Variants in DNAH14 observed in about 807,000 individuals in gnomAD.
DNAH14 encodes axonemal beta dynein heavy chain 14.
In DNAH14, 478 loss-of-function variants were observed where a neutral mutation model predicts 520.9. The observed-to-expected ratio is 0.92, with a 90% CI of 0.85 to 0.99. The LOEUF (loss-of-function observed/expected upper bound fraction) is 0.99. DNAH14 is among the 50% of genes least tolerant of loss of function. The pLI is 0.00. For missense variants in DNAH14, 4,831 were observed against 5,234.5 expected (o/e 0.92, Z 2.38); for synonymous variants, 1,581 against 1,757.2 (o/e 0.90, Z 2.51).
chr1:225,146,601 C>T (rs1300447890), intron 30 of DNAH14, among the ~76,000 whole-genome samples: 6 of 152,220 alleles, frequency 3.9e-5, no homozygotes, highest in Non-Finnish European at 8.8e-5. Flanking sequence ...TAGCTGGGCC[C>T]ACTGCAGTCT....
chr1:225,174,233 C>T (rs999051134), intron 36 of DNAH14, among the ~76,000 whole-genome samples: 5 of 151,970 alleles, frequency 3.3e-5, no homozygotes, highest in African/African-American at 1.2e-4. Context: ...GCACATTGTG[C>T]ACATGTACCC....
At position 225,270,787 on chromosome 1, in the gene DNAH14, T is replaced by A; in HGVS notation, c.7592T>A (p.Ile2531Asn). Residue 2531 changes from isoleucine (I) to asparagine (N), a missense_variant, in exon 50 of 86, where the codon ATC becomes AAC. Transcript: ENST00000682510. ...GCTTGTGTTCCAGTTGTGAATGATATCAGCCCACGTCTTCTCAAACACTTT... is the reference window on the plus strand; with the variant it reads ...GCTTGTGTTCCAGTTGTGAATGATAACAGCCCACGTCTTCTCAAACACTTT... ...VAACVPVVNDISPRLLKHFSM... is the reference protein window; with the variant it reads ...VAACVPVVNDNSPRLLKHFSM... 1.3e-6 allele frequency: 2 copies of A among 1,551,254 alleles called. No individual in the cohort carries two copies. The highest frequency in any genetic ancestry group is 1.7e-6 in the Non-Finnish European group (2 of 1,146,704).
chr1:225,247,277 C>G (rs765554162), intron 43 of DNAH14, among the ~76,000 whole-genome samples: 2 of 143,854 alleles, frequency 1.4e-5, no homozygotes. Context: ...CTAATGCATG[C>G]GGGGCTGAAA....
chr1:225,227,184 G>A (rs1007417246), intron 41 of DNAH14, among the ~76,000 whole-genome samples: 1 of 152,080 alleles, frequency 6.6e-6, no homozygotes, highest in Non-Finnish European at 1.5e-5. Flanking sequence ...GTGTCAGGCT[G>A]GGGGATGATC....
chr1:225,089,874 A>C (rs954165913), intron 21 of DNAH14, among the ~76,000 whole-genome samples: 1 of 152,296 alleles, frequency 6.6e-6, no homozygotes, highest in South Asian at 2.1e-4. Flanking sequence ...ATAGTGAAAG[A>C]CTGAACGCTT....
chr1:225,074,201 G>A lies in DNAH14; in HGVS notation c.2425-5006G>A, dbSNP rs573369725. Among the ~76,000 whole-genome samples, 258 of 150,352 alleles carry A rather than the reference G, an allele frequency of 1.7e-3. 1 individual carries two copies. The highest frequency in any genetic ancestry group is 0.01 in the Middle Eastern group (3 of 288). On this transcript the variant is annotated intron_variant, in intron 17 of 85. Coordinates refer to ENST00000682510, the MANE Select transcript of DNAH14 (RefSeq NM_001367479.1). Reference sequence around the variant, plus strand: ...TTTTTAGTAGAGACGGGGTTTCACCGTTTTAGCCGGGATGGTCTCGATCTC... The same window carrying A: ...TTTTTAGTAGAGACGGGGTTTCACCATTTTAGCCGGGATGGTCTCGATCTC...
chr1:224,969,015 C>A, intron 7 of DNAH14, 141 bp downstream of exon 7: 1 of 549,356 alleles, frequency 1.8e-6, no homozygotes, highest in Non-Finnish European at 3.2e-6. Flanking sequence ...TTTTACGGAA[C>A]ACCCCATTTC....
At chr1:225,094,702 A>ACC (rs1553442872) in intron 21 of DNAH14, among the ~76,000 whole-genome samples, 3 of 147,556 alleles carry the variant, frequency 2.0e-5, no homozygotes, top group African/African-American at 7.6e-5. Context: ...AAACAAAAAA[A>ACC]CGCTATCAAC....
At chr1:225,170,259 A>C (rs2082473106) in intron 36 of DNAH14, among the ~76,000 whole-genome samples, 1 of 152,208 alleles carries the variant, frequency 6.6e-6, no homozygotes, top group Admixed American at 6.5e-5. Flanking sequence ...CATCAAATTC[A>C]CACATAACAA....
chr1:225,291,955 T>C (rs921591160), intron 55 of DNAH14, among the ~76,000 whole-genome samples: 1 of 152,136 alleles, frequency 6.6e-6, no homozygotes, highest in African/African-American at 2.4e-5. Flanking sequence ...TTGTTTTTGC[T>C]GTTAAGTTTG....
At chr1:225,101,550 A>G (rs557721563) in intron 23 of DNAH14, among the ~76,000 whole-genome samples, 35 of 152,124 alleles carry the variant, frequency 2.3e-4, no homozygotes, top group African/African-American at 7.9e-4. Context: ...TCTACTGTCT[A>G]TCTCCATGAT....
At chr1:225,132,760 G>T (rs893725199) in intron 27 of DNAH14, among the ~76,000 whole-genome samples, 1 of 152,064 alleles carries the variant, frequency 6.6e-6, no homozygotes, top group Admixed American at 6.6e-5. Context: ...GGATCAAATG[G>T]TATTTCTGCC....
chr1:225,150,196 T>C (rs79439585), intron 31 of DNAH14, among the ~76,000 whole-genome samples: 11,335 of 152,270 alleles, frequency 0.074, 643 homozygotes, highest in East Asian at 0.24. Flanking sequence ...ATGAATATAT[T>C]TATTGATTTG....
intron 41 of DNAH14, among the ~76,000 whole-genome samples, chr1:225,211,915 T>C (rs1343333237): frequency 6.6e-6 from 1 of 151,024 alleles, no homozygotes; most frequent in African/African-American, 2.4e-5. Context: ...TATTTATTTA[T>C]TTTTATTATA....
intron 78 of DNAH14, among the ~76,000 whole-genome samples, chr1:225,375,607 G>T (rs1186489272): frequency 6.6e-6 from 1 of 152,154 alleles, no homozygotes; most frequent in Non-Finnish European, 1.5e-5. Context: ...AAACAAAATA[G>T]TAAAAATATT....
rs1440032576 is a variant in DNAH14, at chr1:225,231,121, A to G, written c.6488A>G (p.Glu2163Gly). Residue 2163 changes from glutamate (E) to glycine (G), a missense_variant, in exon 42 of 86, where the codon GAG (glutamate) becomes GGG (glycine). By Grantham distance (98) the Glu-to-Gly change is moderately conservative. Transcript: ENST00000682510. ...TCTAAGGAGGCAAATTCCCAAAGAG[A>G]GTCTGTCACATTCAAGGATATAGAA... ...TSSKEANSQR[E>G]SVTFKDIEKR... The G allele has an allele frequency of 5.2e-6, 8 of 1,547,844 alleles. No individual in the cohort carries two copies. Among genetic ancestry groups the G allele is most frequent in the African/African-American group, 1.4e-5 (1 of 73,016 alleles).
At chr1:225,378,774 G>C (rs770173899) in intron 79 of DNAH14, among the ~76,000 whole-genome samples, 1 of 151,778 alleles carries the variant, frequency 6.6e-6, no homozygotes, top group Non-Finnish European at 1.5e-5. Flanking sequence ...CCAGCTACTC[G>C]GGAGGCTGAG....
chr1:225,112,365 GTTTC>G (rs1304592129), intron 23 of DNAH14, among the ~76,000 whole-genome samples: 1 of 151,938 alleles, frequency 6.6e-6, no homozygotes, highest in African/African-American at 2.4e-5. Context: ...TGTTTTATTT[GTTTC>G]TTTCCTCTTG....
intron 13 of DNAH14, among the ~76,000 whole-genome samples, chr1:225,043,399 T>C (rs1301444746): frequency 4.6e-5 from 7 of 152,170 alleles, no homozygotes; most frequent in Non-Finnish European, 1.0e-4. Context: ...TTATAAATCT[T>C]AAGGTAAATA....
Sources: allele counts gnomAD v4.1 joint callset (sites outside exome capture counted in the v4.1 genomes callset), GRCh38; gene constraint gnomAD v4.1.1; transcripts MANE v1.5; gene names NCBI Gene and HGNC (gene_info 2026-07-23, HGNC 2026-07-21).